ARHGAP6: variants seen among roughly 807,000 people sequenced by gnomAD.
ARHGAP6 encodes the protein rho GTPase-activating protein 6.
In ARHGAP6, 16 loss-of-function variants were observed where a neutral mutation model predicts 55.7. That is an observed-to-expected ratio of 0.29 (90% CI 0.19 to 0.44). The LOEUF is 0.44. Ranked by LOEUF, ARHGAP6 falls within the 20% of genes least tolerant of loss-of-function variation. The pLI is 1.00. For synonymous variants in ARHGAP6, 382 were observed against 360.9 expected, an observed-to-expected ratio of 1.06 and a Z score of -0.66; for missense variants, 698 against 808.9, an observed-to-expected ratio of 0.86 and a Z score of 1.66.
chrX:11,228,643 A>G (rs982611039), intron 2 of ARHGAP6, among the ~76,000 whole-genome samples: 2 of 112,461 alleles, frequency 1.8e-5, no homozygotes, highest in African/African-American at 6.5e-5. Flanking sequence ...ATTTAATCTT[A>G]AAAACTCAGG....
In ARHGAP6 at chrX:11,566,103, C is replaced by T. The variant is rs146994737; in HGVS notation, c.588+98138G>A. Among the ~76,000 whole-genome samples the T allele has an allele frequency of 2.0e-3, 226 of 111,988 alleles. 1 individual carries two copies. The highest frequency in any genetic ancestry group is 7.0e-3 in the African/African-American group (215 of 30,847). On this transcript the variant is annotated intron_variant, in intron 1 of 12. Transcript: ENST00000337414. ...AAGTACGATAGAGATTGTGTGTAAA[C>T]CAACACATGGTACTCATGGTGTCCT...
At chrX:11,359,484 C>G (rs985453572) in intron 1 of ARHGAP6, among the ~76,000 whole-genome samples, 8 of 112,154 alleles carry the variant, frequency 7.1e-5, no homozygotes, top group African/African-American at 2.6e-4. Context: ...AATACAACTT[C>G]TAAATCTTAT....
chrX:11,566,365 T>C (rs1426061082), intron 1 of ARHGAP6, among the ~76,000 whole-genome samples: 2 of 112,312 alleles, frequency 1.8e-5, no homozygotes, highest in East Asian at 5.6e-4. Flanking sequence ...AGACCAGACT[T>C]AGGACAATTG....
At chrX:11,559,456 G>T (rs911040249) in intron 1 of ARHGAP6, among the ~76,000 whole-genome samples, 3 of 111,297 alleles carry the variant, frequency 2.7e-5, no homozygotes, top group African/African-American at 9.8e-5. Context: ...TCCCATAACA[G>T]TTCCTTCATA....
At chrX:11,443,758 C>T (rs1187441307) in intron 1 of ARHGAP6, among the ~76,000 whole-genome samples, 3 of 111,262 alleles carry the variant, frequency 2.7e-5, no homozygotes, top group Non-Finnish European at 5.7e-5. Flanking sequence ...GAAACCTCAT[C>T]TCTACTAAAA....
intron 1 of ARHGAP6, among the ~76,000 whole-genome samples, chrX:11,389,926 T>C (rs908992180): frequency 4.5e-5 from 5 of 112,009 alleles, no homozygotes; most frequent in Non-Finnish European, 9.4e-5. Context: ...ACTAGTCTAG[T>C]TCTAATGGGA....
chrX:11,452,187 G>A (rs751617928), intron 1 of ARHGAP6, among the ~76,000 whole-genome samples: 6 of 111,986 alleles, frequency 5.4e-5, no homozygotes, highest in South Asian at 3.7e-4. Context: ...TCACCCTGTC[G>A]CCCAGTATGG....
chrX:11,654,435 G>T (rs1458370763), intron 1 of ARHGAP6, among the ~76,000 whole-genome samples: 1 of 111,624 alleles, frequency 9.0e-6, no homozygotes, highest in East Asian at 2.8e-4. Flanking sequence ...AAGATGAGGA[G>T]AGCTTCTCAG....
chrX:11,523,936 T>C (rs2050963215), intron 1 of ARHGAP6, among the ~76,000 whole-genome samples: 1 of 112,002 alleles, frequency 8.9e-6, no homozygotes. Flanking sequence ...ACTTATTGTG[T>C]ATTTTAGAGA....
chrX:11,360,802 A>G (rs776512674), intron 1 of ARHGAP6, among the ~76,000 whole-genome samples: 2 of 111,945 alleles, frequency 1.8e-5, no homozygotes, highest in South Asian at 7.4e-4. Context: ...AAGCAACCTC[A>G]GCAAAGTCTC....
chrX:11,582,771 AAT>A (rs2051679994), intron 1 of ARHGAP6, among the ~76,000 whole-genome samples: 1 of 111,601 alleles, frequency 9.0e-6, no homozygotes, highest in South Asian at 3.7e-4. Context: ...ATTAATATTA[AAT>A]ATAACTGTGA....
Position 11,623,892 on chromosome X carries a change from G to T in ARHGAP6, c.588+40349C>A, listed in dbSNP as rs370985054. Among the ~76,000 whole-genome samples the T allele has an allele frequency of 2.8e-4, 31 of 111,477 alleles. No individual in the cohort carries two copies. In the East Asian group the frequency reaches 3.6e-3, roughly 13 times the overall value. ...AAATAGGAAATCCTAAAATTTGTAT[G>T]CAACCACAATAGAAAACAGAATAGC... On this transcript the variant is annotated intron_variant, in intron 1 of 12. Coordinates refer to ENST00000337414, the MANE Select transcript of ARHGAP6 (RefSeq NM_013427.3).
At chrX:11,181,039 G>A (rs939885250) in intron 6 of ARHGAP6, among the ~76,000 whole-genome samples, 14 of 112,171 alleles carry the variant, frequency 1.2e-4, no homozygotes, top group African/African-American at 3.9e-4. Flanking sequence ...ACTCACAGCC[G>A]GTTGGCAGAT....
At chrX:11,418,120 G>A (rs2147774180) in intron 1 of ARHGAP6, among the ~76,000 whole-genome samples, 2 of 111,962 alleles carry the variant, frequency 1.8e-5, no homozygotes, top group South Asian at 3.7e-4. Flanking sequence ...TATAGTCCCT[G>A]GTTCTGGTCT....
At chrX:11,599,931 T>C (rs2051949937) in intron 1 of ARHGAP6, among the ~76,000 whole-genome samples, 1 of 112,159 alleles carries the variant, frequency 8.9e-6, no homozygotes, top group Admixed American at 9.5e-5. Flanking sequence ...CAATGAAATG[T>C]GTGGTTTCAA....
chrX:11,439,490 C>A (rs2050020359), intron 1 of ARHGAP6, among the ~76,000 whole-genome samples: 1 of 112,142 alleles, frequency 8.9e-6, no homozygotes. Flanking sequence ...AGAAAATGTT[C>A]ACCCACCCCT....
chrX:11,202,713 C>T (rs1179510777), intron 2 of ARHGAP6, among the ~76,000 whole-genome samples: 1 of 93,999 alleles, frequency 1.1e-5, no homozygotes, highest in African/African-American at 4.1e-5. Context: ...GAGACTGAGG[C>T]AGGAGAATCA....
At position 11,178,327 on chromosome X, in the gene ARHGAP6, T is replaced by C. The variant is rs2046263078; in HGVS notation, c.1481-79A>G. 5 of 1,041,223 alleles carry C rather than the reference T, an allele frequency of 4.8e-6. No individual in the cohort carries two copies. The East Asian group carries it at 1.3e-4, about 28-fold the overall frequency. 85.8% of individuals were successfully genotyped at this position (1,041,223 alleles called of 1,213,427 possible). ...GCACAGAGGAAAGGCCTCCTCTCAA[T>C]TGTCTTAAGAAAGGGATTATCAAGG... On this transcript the variant is annotated intron_variant, in intron 7 of 12. Coordinates refer to ENST00000337414, the MANE Select transcript of ARHGAP6 (RefSeq NM_013427.3).
At chrX:11,639,944 TAAAAATTTTAAG>T (rs1324783535) in intron 1 of ARHGAP6, among the ~76,000 whole-genome samples, 1 of 111,422 alleles carries the variant, frequency 9.0e-6, no homozygotes, top group Non-Finnish European at 1.9e-5. Flanking sequence ...CATTTTTTGT[TAAAAATTTTAAG>T]TGATCTTTAG....
Sources: allele counts gnomAD v4.1 joint callset (sites outside exome capture counted in the v4.1 genomes callset), GRCh38; gene constraint gnomAD v4.1.1; transcripts MANE v1.5; gene names NCBI Gene and HGNC (gene_info 2026-07-23, HGNC 2026-07-21).